Variants in MGST1 observed in about 807,000 individuals in gnomAD.
MGST1 encodes the protein glutathione S-transferase 12.
MGST1 carries 5 observed loss-of-function variants against 8.9 expected under a neutral mutation model. That is an observed-to-expected ratio of 0.56 (90% confidence interval 0.29 to 1.19). MGST1 has a LOEUF of 1.19. Among genes scored for constraint, MGST1 ranks in the 50% most tolerant of loss-of-function variants. MGST1 has a pLI of 0.08. For synonymous variants in MGST1, 54 were observed against 67.8 expected (o/e 0.80, Z 1.00); for missense variants, 182 against 187.4 (o/e 0.97, Z 0.17).
rs1201214377 is a variant in MGST1, at chr12:16,546,995, T to G, written n.483-42533T>G. Among the ~76,000 whole-genome samples the G allele has an allele frequency of 4.6e-5, 7 of 152,170 alleles. No individual in the cohort carries two copies. The highest frequency in any genetic ancestry group is 1.5e-5 in the Non-Finnish European group (1 of 68,022). Reference sequence around the variant, plus strand: ...GACTCAAGTGTTTTAGCAGCTATTCTTTGTACTGTTCAACACGAAAGTCTT... The same window carrying G: ...GACTCAAGTGTTTTAGCAGCTATTCGTTGTACTGTTCAACACGAAAGTCTT... On this transcript the variant is annotated intron_variant and non_coding_transcript_variant, in intron 4 of 4. Coordinates refer to the MGST1 transcript ENST00000538857. The surrounding 1 kb of genome is among the most constrained non-coding windows in gnomAD (Gnocchi z 4.7).
rs1399441329 is a variant in MGST1, at chr12:16,389,903, TAAGTAGAA to T, written n.778+6302_778+6309del. Reference sequence around the variant, plus strand: ...TAATGAAGAGTGAGGCAGGATTGCGTAAGTAGAAAAAGAGAAAAAGAGAGCAATGCTCT... The same window carrying T: ...TAATGAAGAGTGAGGCAGGATTGCGTAAAGAGAAAAAGAGAGCAATGCTCT... On this transcript the variant is annotated intron_variant and non_coding_transcript_variant, in intron 1 of 1. Transcript: ENST00000359720. This position sits in a 1 kb window ranked among gnomAD's most constrained non-coding sequence, Gnocchi z 4.6. Among the ~76,000 whole-genome samples, 1 of 152,144 alleles carries T rather than the reference TAAGTAGAA, an allele frequency of 6.6e-6. No individual in the cohort carries two copies. Among genetic ancestry groups the T allele is most frequent in the African/African-American group, 2.4e-5 (1 of 41,428 alleles).
intron 4 of MGST1, among the ~76,000 whole-genome samples, chr12:16,464,707 T>G (rs1218051595): frequency 6.6e-6 from 1 of 152,244 alleles, no homozygotes. Flanking sequence ...CAAGTGACAG[T>G]GAGTTCAATG....
intron 4 of MGST1, among the ~76,000 whole-genome samples, chr12:16,529,849 A>G (rs940466354): frequency 1.3e-5 from 2 of 152,138 alleles, no homozygotes; most frequent in Non-Finnish European, 2.9e-5. Context: ...GTGTGAAACC[A>G]TCCAAATAAA....
intron 4 of MGST1, among the ~76,000 whole-genome samples, chr12:16,505,335 A>G (rs1941530727): frequency 6.6e-6 from 1 of 152,316 alleles, no homozygotes; most frequent in South Asian, 2.1e-4. Context: ...TCCATAGACA[A>G]CCTGCTCCAG....
intron 3 of MGST1, among the ~76,000 whole-genome samples, chr12:16,373,942 G>A (rs888723051): frequency 6.6e-6 from 1 of 152,100 alleles, no homozygotes; most frequent in Admixed American, 6.6e-5. Flanking sequence ...GAGCTTGTAT[G>A]TGCTTTCCCT....
At chr12:16,417,560 G>GGA (rs1226608508) in intron 1 of MGST1, among the ~76,000 whole-genome samples, 2 of 152,120 alleles carry the variant, frequency 1.3e-5, no homozygotes, top group Non-Finnish European at 2.9e-5. Context: ...CCCTGCCAAT[G>GGA]GAGAGTAGCA....
chr12:16,426,449 GT>G (rs946749288), intron 1 of MGST1, among the ~76,000 whole-genome samples: 3 of 151,990 alleles, frequency 2.0e-5, no homozygotes, highest in African/African-American at 7.2e-5. Context: ...TGTTCTAGTT[GT>G]TTTTCCCCTT....
chr12:16,357,449 T>C, intron 2 of MGST1, 156 bp from the exon 3 acceptor site: 1 of 571,282 alleles, frequency 1.8e-6, no homozygotes, highest in Non-Finnish European at 3.1e-6. Flanking sequence ...TAAAAAAATT[T>C]GTAGATATGG....
In MGST1 at chr12:16,354,262, C is replaced by A. The variant is rs1449086441; in HGVS notation, c.10C>A (p.Leu4Ile). 1.4e-5 allele frequency: 22 copies of A among 1,581,434 alleles called. No homozygotes were observed. Among genetic ancestry groups the A allele is most frequent in the Non-Finnish European group, 1.9e-5 (22 of 1,168,522 alleles). The part of the protein sequence containing the change: MVD[L>I]TQVMDDEVFM... Reference sequence around the variant, plus strand: ...GACCAAAATTGAAAAAATGGTTGACCTCACCCAGGTAATGGATGATGAAGT... The same window carrying A: ...GACCAAAATTGAAAAAATGGTTGACATCACCCAGGTAATGGATGATGAAGT... The change falls in exon 2 of 4, where the codon CTC becomes ATC. Residue 4 changes from leucine to isoleucine, a missense_variant. Leu to Ile is a conservative substitution (Grantham distance 5). Transcript: ENST00000396210.
chr12:16,369,730 T>A lies in MGST1; in HGVS notation c.222-6392T>A, dbSNP rs1440538933. On this transcript the variant is annotated intron_variant, in intron 3 of 3. Transcript: ENST00000535309. This position sits in a 1 kb window ranked among gnomAD's most constrained non-coding sequence, Gnocchi z 4.8. ...CTCACAAAACCAAAAATATTTACTC[T>A]CTGGTGTTTTACAGAAAGTTTTCTG... The A allele has an allele frequency of 6.6e-6, 1 of 152,206 alleles. No homozygotes were observed. Among genetic ancestry groups the A allele is most frequent in the African/African-American group, 2.4e-5 (1 of 41,464 alleles). 9.4% of individuals were successfully genotyped at this position (152,206 alleles called of 1,614,324 possible). A position where few individuals can be genotyped will look rare whatever the true frequency, so the allele number is the denominator to read the frequency against.
rs923902565 is a variant in MGST1, at chr12:16,549,777, G to A, written n.483-39751G>A. ...AAAGAAGCAAGTTTGTGGGCAACTC[G>A]GAAGAGGGGATCATATTCTCATTTC... On this transcript the variant is annotated intron_variant and non_coding_transcript_variant, in intron 4 of 4. Coordinates refer to the MGST1 transcript ENST00000538857. The A allele has an allele frequency of 2.6e-5, 4 of 152,168 alleles. No homozygotes were observed. In the East Asian group the frequency reaches 5.8e-4, roughly 22 times the overall value. The allele number at this position is 152,168 out of a possible 1,614,324, so 9.4% of individuals were successfully genotyped here. A position where few individuals can be genotyped will look rare whatever the true frequency, so the allele number is the denominator to read the frequency against.
intron 1 of MGST1, among the ~76,000 whole-genome samples, chr12:16,406,193 G>A (rs762242639): frequency 6.6e-6 from 1 of 152,126 alleles, no homozygotes; most frequent in Admixed American, 6.5e-5. Flanking sequence ...AGCTCATTAA[G>A]CTAATACAAA....
intron 1 of MGST1, among the ~76,000 whole-genome samples, chr12:16,387,342 G>A (rs1940512529): frequency 6.6e-6 from 1 of 151,974 alleles, no homozygotes; most frequent in Non-Finnish European, 1.5e-5. Flanking sequence ...ACATTATAGT[G>A]CAAAGCATTA....
At chr12:16,357,562 G>T (rs1166747073) in intron 2 of MGST1, 43 bp from the exon 3 acceptor site, 4 of 1,476,342 alleles carry the variant, frequency 2.7e-6, no homozygotes, top group Middle Eastern at 1.7e-4. Flanking sequence ...TATTGCTCCT[G>T]GCCAGTATTT....
intron 4 of MGST1, among the ~76,000 whole-genome samples, chr12:16,527,894 T>C (rs1248553321): frequency 1.3e-5 from 2 of 152,018 alleles, no homozygotes; most frequent in African/African-American, 4.8e-5. Context: ...CTAAGCACTG[T>C]ACAAGGTAGT....
intron 1 of MGST1, among the ~76,000 whole-genome samples, chr12:16,390,824 A>AG (rs1412506608): frequency 1.3e-5 from 2 of 152,140 alleles, no homozygotes; most frequent in Non-Finnish European, 2.9e-5. Flanking sequence ...GTATAGACCC[A>AG]GTAATAGGAT....
In MGST1 at chr12:16,503,561, T is replaced by C. The variant is rs574715826; in HGVS notation, n.483-85967T>C. ...TCACCACTCTATCTCTTCTCTACTA[T>C]TGGCTTCATAATTGTACATCCTCTT... On this transcript the variant is annotated intron_variant and non_coding_transcript_variant, in intron 4 of 4. Coordinates refer to the MGST1 transcript ENST00000538857. This position sits in a 1 kb window ranked among gnomAD's most constrained non-coding sequence, Gnocchi z 4.8. Among the ~76,000 whole-genome samples, 2 of 152,298 alleles carry C rather than the reference T, an allele frequency of 1.3e-5. No individual in the cohort carries two copies. The highest frequency in any genetic ancestry group is 2.4e-5 in the African/African-American group (1 of 41,570).
chr12:16,423,448 G>A (rs1940859068), intron 1 of MGST1, among the ~76,000 whole-genome samples: 1 of 146,746 alleles, frequency 6.8e-6, no homozygotes, highest in Non-Finnish European at 1.5e-5. Context: ...AATTCTTGTT[G>A]TCCATGCTTA....
chr12:16,353,425 G>T lies in MGST1; in HGVS notation c.-22-806G>T, dbSNP rs573719209. 14 of 152,234 alleles carry T rather than the reference G, an allele frequency of 9.2e-5. No homozygotes were observed. In the East Asian group the frequency reaches 2.7e-3, roughly 29 times the overall value. The allele number at this position is 152,234 out of a possible 1,614,324, so 9.4% of individuals were successfully genotyped here. ...GCTAAATCGTGGGACTGGAATTCAAGTCCTAAAGCCTACAGTTTTGAATAC... is the reference window on the plus strand; with the variant it reads ...GCTAAATCGTGGGACTGGAATTCAATTCCTAAAGCCTACAGTTTTGAATAC... On this transcript the variant is annotated intron_variant, in intron 1 of 3. Coordinates refer to ENST00000396210, the MANE Select transcript of MGST1 (RefSeq NM_020300.5).
Sources: allele counts gnomAD v4.1 joint callset (sites outside exome capture counted in the v4.1 genomes callset), GRCh38; gene constraint gnomAD v4.1.1; non-coding constraint Gnocchi (gnomAD v3.1); transcripts MANE v1.5; gene names NCBI Gene and HGNC (gene_info 2026-07-23, HGNC 2026-07-21).